The following SUGCT variants were observed in gnomAD, a reference collection of about 807,000 sequenced individuals.
SUGCT encodes succinyl-CoA:glutarate CoA-transferase.
SUGCT carries 41 observed loss-of-function variants against 55.0 expected under a neutral mutation model. That is an observed-to-expected ratio of 0.74 (90% CI 0.58 to 0.97). The LOEUF (loss-of-function observed/expected upper bound fraction) is 0.97, where lower values mean the gene tolerates loss of function less well. Among genes scored for constraint, SUGCT ranks in the 50% least tolerant of loss-of-function variants. SUGCT has a pLI of 0.00. For synonymous variants in SUGCT, 187 were observed against 200.4 expected (o/e 0.93, Z 0.56); for missense variants, 568 against 547.8 (o/e 1.04, Z -0.37).
intron 12 of SUGCT, among the ~76,000 whole-genome samples, chr7:40,622,904 G>T (rs1799340956): frequency 6.6e-6 from 1 of 152,174 alleles, no homozygotes; most frequent in Admixed American, 6.5e-5. Flanking sequence ...CTAATATTCT[G>T]CAGCTGTGTT....
intron 9 of SUGCT, among the ~76,000 whole-genome samples, chr7:40,414,738 C>T (rs970685152): frequency 6.6e-6 from 1 of 151,812 alleles, no homozygotes; most frequent in African/African-American, 2.4e-5. Flanking sequence ...GAAACCTCAT[C>T]TCTACCAAAA....
At chr7:40,249,335 A>AAT (rs1229189629) in intron 7 of SUGCT, among the ~76,000 whole-genome samples, 13 of 124,110 alleles carry the variant, frequency 1.0e-4, no homozygotes, top group African/African-American at 3.3e-4. Flanking sequence ...ATATATATAT[A>AAT]TATATATATA....
At chr7:40,989,817 A>G in the SUGCT span, among the ~76,000 whole-genome samples, 1 of 152,112 alleles carries the variant, frequency 6.6e-6, no homozygotes, top group Non-Finnish European at 1.5e-5. Context: ...CATTCGCTCA[A>G]GTTTTATTAT....
intron 1 of SUGCT, among the ~76,000 whole-genome samples, chr7:40,149,540 G>T (rs567913081): frequency 1.3e-5 from 2 of 152,314 alleles, no homozygotes; most frequent in South Asian, 4.1e-4. Flanking sequence ...CGTAATCCCA[G>T]CACTTTGGGA....
At chr7:40,624,845 T>C in intron 12 of SUGCT, among the ~76,000 whole-genome samples, 1 of 151,234 alleles carries the variant, frequency 6.6e-6, no homozygotes, top group African/African-American at 2.4e-5. Flanking sequence ...TGAGCAGACC[T>C]TCTTTTATCT....
chr7:40,988,069 A>G, the SUGCT span, among the ~76,000 whole-genome samples: 1 of 151,892 alleles, frequency 6.6e-6, no homozygotes, highest in African/African-American at 2.4e-5. Flanking sequence ...ATGAGATCCC[A>G]TCAATTCTCC....
rs188992099 is a variant in SUGCT at position 40,519,683 on chromosome 7, A to C, written c.1089+23297A>C. 1.4e-3 allele frequency among the ~76,000 whole-genome samples: 209 copies of C among 152,162 alleles called. 1 individual carries two copies. In the South Asian group the frequency reaches 0.016, roughly 11 times the overall value. On this transcript the variant is annotated intron_variant, in intron 12 of 13. Coordinates refer to ENST00000335693, the MANE Select transcript of SUGCT (RefSeq NM_001193313.2). ...AGTATAATAAACATTTTAATGGGCC[A>C]ATGTATAAAAGATAAGACAAGCTGT... is the stretch of plus-strand genomic sequence containing the variant.
chr7:40,870,051 T>C, the SUGCT span, among the ~76,000 whole-genome samples: 6 of 152,352 alleles, frequency 3.9e-5, no homozygotes, highest in East Asian at 1.2e-3. Flanking sequence ...AATCAGTAAG[T>C]ATATTTTGGG....
intron 12 of SUGCT, among the ~76,000 whole-genome samples, chr7:40,657,239 T>G (rs1801060608): frequency 6.6e-6 from 1 of 152,136 alleles, no homozygotes; most frequent in East Asian, 1.9e-4. Context: ...TATATATGTA[T>G]CTATTATGCT....
chr7:40,795,721 T>C (rs1323303048), intron 13 of SUGCT, among the ~76,000 whole-genome samples: 2 of 151,300 alleles, frequency 1.3e-5, no homozygotes, highest in East Asian at 1.9e-4. Context: ...GACAGAAAAC[T>C]AAAAAAAAAC....
At chr7:40,381,720 T>C (rs1420458737) in intron 9 of SUGCT, among the ~76,000 whole-genome samples, 1 of 152,082 alleles carries the variant, frequency 6.6e-6, no homozygotes, top group Non-Finnish European at 1.5e-5. Flanking sequence ...AACTCCTCCT[T>C]ATCTCATTGT....
Position 40,449,340 on chromosome 7 carries a change from GT to G in SUGCT, c.873del (p.Phe291LeufsTer13). ...TAGTTGGAGCAGGAAATAACCAGCA[GT>G]TTGCCACCGTCTGCAAGGTAATCTA... ...IVVGAGNNQQ[F>X]ATVCKILDLP... On this transcript the variant is annotated frameshift_variant, in exon 10 of 14. Coordinates refer to ENST00000335693, the MANE Select transcript of SUGCT (RefSeq NM_001193313.2). LOFTEE classifies it high-confidence loss of function. The G allele has an allele frequency of 1.2e-6, 2 of 1,611,682 alleles. No homozygotes were observed. Among genetic ancestry groups the G allele is most frequent in the Non-Finnish European group, 1.7e-6 (2 of 1,178,262 alleles).
intron 13 of SUGCT, among the ~76,000 whole-genome samples, chr7:40,781,409 C>T (rs1789741395): frequency 6.6e-6 from 1 of 152,148 alleles, no homozygotes; most frequent in African/African-American, 2.4e-5. Context: ...CCTCTGCCAG[C>T]ACTGGGAATG....
At chr7:40,845,566 T>A (rs998252850) in intron 13 of SUGCT, among the ~76,000 whole-genome samples, 2 of 152,058 alleles carry the variant, frequency 1.3e-5, no homozygotes, top group African/African-American at 2.4e-5. Context: ...GCTAGCAAGG[T>A]ATAAGTAAGG....
intron 13 of SUGCT, among the ~76,000 whole-genome samples, chr7:40,761,515 A>T (rs2128720937): frequency 6.6e-6 from 1 of 152,262 alleles, no homozygotes; most frequent in East Asian, 1.9e-4. Context: ...CCACAAAATG[A>T]CCCTTTTGTC....
At chr7:40,654,985 C>G (rs1800948033) in intron 12 of SUGCT, among the ~76,000 whole-genome samples, 1 of 152,056 alleles carries the variant, frequency 6.6e-6, no homozygotes, top group South Asian at 2.1e-4. Flanking sequence ...TTAAAACAAC[C>G]AATGCCTTGA....
At chr7:40,561,060 A>G (rs1795809960) in intron 12 of SUGCT, among the ~76,000 whole-genome samples, 2 of 152,246 alleles carry the variant, frequency 1.3e-5, no homozygotes, top group Non-Finnish European at 2.9e-5. Context: ...GTTCCTTCTT[A>G]AAAGCATTGC....
the SUGCT span, among the ~76,000 whole-genome samples, chr7:40,941,400 A>T: frequency 1.3e-5 from 2 of 151,880 alleles, no homozygotes; most frequent in Non-Finnish European, 2.9e-5. Context: ...TCCTTTTTGG[A>T]GTTGATTTCT....
intron 13 of SUGCT, among the ~76,000 whole-genome samples, chr7:40,827,672 CCTT>C (rs1264059026): frequency 6.6e-6 from 1 of 152,174 alleles, no homozygotes; most frequent in Non-Finnish European, 1.5e-5. Context: ...CTGATCCTCT[CCTT>C]GTCTTTGTGG....
Sources: allele counts gnomAD v4.1 joint callset (sites outside exome capture counted in the v4.1 genomes callset), GRCh38; gene constraint gnomAD v4.1.1; transcripts MANE v1.5; gene names NCBI Gene and HGNC (gene_info 2026-07-23, HGNC 2026-07-21).